CRYBG1: variants seen among roughly 807,000 people sequenced by gnomAD.
CRYBG1 encodes beta/gamma crystallin domain-containing protein 1.
Under a neutral mutation model 189.2 loss-of-function variants are expected in CRYBG1, and 139 were observed. That is an observed-to-expected ratio of 0.73 (90% CI 0.64 to 0.85). The LOEUF (loss-of-function observed/expected upper bound fraction) is 0.85. Ranked by LOEUF, CRYBG1 falls within the 40% of genes least tolerant of loss-of-function variation. The probability of loss-of-function intolerance (pLI) is 0.00; values close to 1 mark genes in which losing one functional copy is unlikely to be tolerated. For missense variants in CRYBG1, 2,611 were observed against 2,675.8 expected (o/e 0.98, Z 0.53); for synonymous variants, 1,023 against 1,017.1 (o/e 1.01, Z -0.11).
chr6:106,374,415 G>A (rs1562289341), intron 1 of CRYBG1, among the ~76,000 whole-genome samples: 1 of 152,010 alleles, frequency 6.6e-6, no homozygotes, highest in Non-Finnish European at 1.5e-5. Context: ...AAAAATAACT[G>A]GGCAGGGTGG....
At chr6:106,425,021 A>C (rs868610036) in intron 1 of CRYBG1, among the ~76,000 whole-genome samples, 5 of 152,190 alleles carry the variant, frequency 3.3e-5, no homozygotes, top group Middle Eastern at 3.4e-3. Flanking sequence ...TGAGGATGTT[A>C]CCTTTCTTGC....
At chr6:106,479,278 T>C (rs1294089031) in intron 2 of CRYBG1, among the ~76,000 whole-genome samples, 1 of 152,204 alleles carries the variant, frequency 6.6e-6, no homozygotes, top group Non-Finnish European at 1.5e-5. Flanking sequence ...CAAAATACCA[T>C]AGGCTGAGTG....
intron 7 of CRYBG1, among the ~76,000 whole-genome samples, chr6:106,527,840 C>G (rs11153002): frequency 0.24 from 36,287 of 152,038 alleles, 4,693 homozygotes; most frequent in East Asian, 0.46. Context: ...TATAGGAATT[C>G]TATTTTGGAA....
intron 2 of CRYBG1, among the ~76,000 whole-genome samples, chr6:106,459,877 C>G (rs1771967762): frequency 6.6e-6 from 1 of 152,200 alleles, no homozygotes; most frequent in African/African-American, 2.4e-5. Flanking sequence ...TCAACTTACA[C>G]TTCCAACAGT....
Position 106,544,933 on chromosome 6 carries a change from T to A in CRYBG1, c.5312T>A (p.Val1771Glu). 6.3e-7 allele frequency: 1 copy of A among 1,592,568 alleles called. No individual in the cohort carries two copies. The highest frequency in any genetic ancestry group is 8.5e-7 in the Non-Finnish European group (1 of 1,174,332). ...CAGTCTATTAATGTACTGAGTGGAG[T>A]GTAAGTGAAATAATCCAGTTGGAAT... ...KTQSINVLSG[V>E]WVAYENPDFT... Residue 1771 changes from valine to glutamate, a missense_variant and splice_region_variant, in exon 13 of 22, where the codon GTA (valine) becomes GAA (glutamate). Coordinates refer to ENST00000633556, the MANE Select transcript of CRYBG1 (RefSeq NM_001371242.2).
intron 20 of CRYBG1, among the ~76,000 whole-genome samples, chr6:106,563,366 C>T (rs992364344): frequency 5.3e-5 from 8 of 152,044 alleles, no homozygotes; most frequent in Non-Finnish European, 1.5e-5. Context: ...GAGGTGCAGT[C>T]ATATACTGGA....
chr6:106,450,139 AC>A lies in CRYBG1; in HGVS notation c.174-1552del, dbSNP rs760339486. On this transcript the variant is annotated intron_variant, in intron 1 of 21. Transcript: ENST00000633556. ...CTGCTGAGGCAGGAGCATCACTTGA[AC>A]CCGGGAGGTGGAGGTTGCAGTGAGC... is the stretch of plus-strand genomic sequence containing the variant. Among the ~76,000 whole-genome samples the A allele has an allele frequency of 2.5e-4, 38 of 150,278 alleles. No homozygotes were observed. In the East Asian group the frequency reaches 4.7e-3, roughly 19 times the overall value.
At position 106,404,984 on chromosome 6, in the gene CRYBG1, G is replaced by GT. The variant is rs1307389824; in HGVS notation, c.173+43915dup. Reference sequence around the variant, plus strand: ...TTGGGCAGACACCAAGCTAGCCGCAGTTTTTTTTTTTTCATACCCCAGTGG... The same window carrying GT: ...TTGGGCAGACACCAAGCTAGCCGCAGTTTTTTTTTTTTTCATACCCCAGTGG... On this transcript the variant is annotated intron_variant, in intron 1 of 21. Transcript: ENST00000633556. Among the ~76,000 whole-genome samples the GT allele has an allele frequency of 6.4e-3, 937 of 146,338 alleles. 4 individuals are homozygous for GT. The highest frequency in any genetic ancestry group is 0.016 in the African/African-American group (663 of 40,292).
intron 20 of CRYBG1, among the ~76,000 whole-genome samples, chr6:106,563,525 G>A (rs534626754): frequency 3.3e-5 from 5 of 152,306 alleles, no homozygotes; most frequent in South Asian, 2.1e-4. Flanking sequence ...CTTGCAAAGG[G>A]CAGAAGTCTC....
In CRYBG1 at chr6:106,491,212, A is replaced by G. The variant is rs192438215; in HGVS notation, c.313-20218A>G. 5.3e-5 allele frequency among the ~76,000 whole-genome samples: 8 copies of G among 152,362 alleles called. No homozygotes were observed. The East Asian group carries it at 1.3e-3, about 26-fold the overall frequency. The stretch of plus-strand genomic sequence containing the variant: ...GGTCTCAGTACAAAGGCTCCTCAGC[A>G]TGAGCCACCTGTGTGGAGGCTGCAT... On this transcript the variant is annotated intron_variant, in intron 2 of 21. Transcript: ENST00000633556.
chr6:106,516,000 G>A (rs1003586181), intron 3 of CRYBG1, among the ~76,000 whole-genome samples: 11 of 151,368 alleles, frequency 7.3e-5, no homozygotes, highest in Admixed American at 3.3e-4. Flanking sequence ...CATGTTCCCC[G>A]GGCTGGTCTC....
chr6:106,363,116 C>T (rs145326331), intron 1 of CRYBG1, among the ~76,000 whole-genome samples: 4,800 of 150,324 alleles, frequency 0.032, 176 homozygotes, highest in East Asian at 0.16. Context: ...TGGTGGCGCG[C>T]GCCTGTAGTC....
At chr6:106,552,063 T>G in intron 14 of CRYBG1, 85 bp downstream of exon 14, 1 of 1,455,548 alleles carries the variant, frequency 6.9e-7, no homozygotes, top group African/African-American at 1.4e-5. Context: ...TAATAGTAAT[T>G]GCTATGGAAA....
chr6:106,545,038 T>C, intron 13 of CRYBG1, 105 bp downstream of exon 13: 1 of 889,530 alleles, frequency 1.1e-6, no homozygotes, highest in Non-Finnish European at 1.7e-6. Context: ...CACAAATATC[T>C]CAACAGCTTA....
At position 106,506,489 on chromosome 6, in the gene CRYBG1, G is replaced by A. The variant is rs1422652340; in HGVS notation, c.313-4941G>A. 9.6e-5 allele frequency among the ~76,000 whole-genome samples: 11 copies of A among 114,640 alleles called. No homozygotes were observed. The South Asian group carries it at 1.1e-3, about 12-fold the overall frequency. 75.2% of individuals were successfully genotyped at this position (114,640 alleles called of 152,430 possible). A position where few individuals can be genotyped will look rare whatever the true frequency, so the allele number is the denominator to read the frequency against. ...TTTTTTTTGAGATGGAGTTTCGCTC[G>A]TCAGCCAGGCTGGAGTACAATGATG... is the stretch of plus-strand genomic sequence containing the variant. On this transcript the variant is annotated intron_variant, in intron 2 of 21. Coordinates refer to ENST00000633556, the MANE Select transcript of CRYBG1 (RefSeq NM_001371242.2).
chr6:106,426,429 A>G (rs1209178408), intron 1 of CRYBG1, among the ~76,000 whole-genome samples: 2 of 152,134 alleles, frequency 1.3e-5, no homozygotes, highest in African/African-American at 4.8e-5. Context: ...AAACCCACAG[A>G]AGAGTGTTTA....
chr6:106,361,181 A>G, intron 1 of CRYBG1, 100 bp downstream of exon 1: 1 of 1,365,754 alleles, frequency 7.3e-7, no homozygotes, highest in Non-Finnish European at 9.7e-7. Flanking sequence ...GAGGAGGGGA[A>G]AGCCCCGGGG....
At chr6:106,525,434 ATACTTAAT>A (rs757671450) in intron 6 of CRYBG1, 48 bp downstream of exon 6, 21 of 1,465,596 alleles carry the variant, frequency 1.4e-5, no homozygotes, top group Non-Finnish European at 9.6e-7. Flanking sequence ...TGAGTTTTAC[ATACTTAAT>A]TAACTTTTTA....
In CRYBG1 at chr6:106,569,819, A is replaced by C. The variant is rs1775004638; in HGVS notation, c.*1253A>C. On this transcript the variant is annotated 3_prime_UTR_variant, in exon 22 of 22. Coordinates refer to ENST00000633556, the MANE Select transcript of CRYBG1 (RefSeq NM_001371242.2). ...GGTATAGCTGTTGGTGGACAGCCTC[A>C]GGTCTTGGGGGCACTATAGCCACTA... The C allele has an allele frequency of 6.6e-6, 1 of 152,122 alleles. No individual in the cohort carries two copies. Among genetic ancestry groups the C allele is most frequent in the Non-Finnish European group, 1.5e-5 (1 of 68,030 alleles). The allele number at this position is 152,122 out of a possible 1,614,324, so 9.4% of individuals were successfully genotyped here. A position where few individuals can be genotyped will look rare whatever the true frequency, so the allele number is the denominator to read the frequency against.
Sources: gnomAD v4.1 joint callset for allele counts (sites outside exome capture counted in the v4.1 genomes callset) on GRCh38, gnomAD v4.1.1 for gene constraint, MANE v1.5 for transcripts, NCBI Gene and HGNC (gene_info 2026-07-23, HGNC 2026-07-21) for gene names.